MAP3K7: variants seen among roughly 807,000 people sequenced by gnomAD.
The protein encoded by MAP3K7 is mitogen-activated protein kinase kinase kinase 7.
MAP3K7 carries 21 observed loss-of-function variants against 84.8 expected under a neutral mutation model. The ratio of observed to expected loss-of-function variants is 0.25; its 90% CI spans 0.18 to 0.36. MAP3K7 has a LOEUF of 0.36. Among genes scored for constraint, MAP3K7 ranks in the 10% least tolerant of loss-of-function variants. The pLI is 1.00. For missense variants in MAP3K7, 503 were observed against 747.7 expected (o/e 0.67, Z 3.82); for synonymous variants, 241 against 247.7 (o/e 0.97, Z 0.25).
At chr6:90,554,831 T>C (rs1242602011) in intron 6 of MAP3K7, among the ~76,000 whole-genome samples, 1 of 152,228 alleles carries the variant, frequency 6.6e-6, no homozygotes, top group Non-Finnish European at 1.5e-5. Context: ...CAGGAGGCAT[T>C]ATTTAATCTT....
chr6:90,570,600 G>A (rs1472217790), intron 2 of MAP3K7, among the ~76,000 whole-genome samples: 1 of 152,174 alleles, frequency 6.6e-6, no homozygotes, highest in Non-Finnish European at 1.5e-5. Flanking sequence ...CAGAAAATTA[G>A]ATTGGAGGAG....
At chr6:90,541,717 CT>C (rs1775861251) in intron 12 of MAP3K7, among the ~76,000 whole-genome samples, 1 of 151,916 alleles carries the variant, frequency 6.6e-6, no homozygotes, top group African/African-American at 2.4e-5. Flanking sequence ...TGCTAAGTTG[CT>C]TTTTCTTCCA....
intron 12 of MAP3K7, among the ~76,000 whole-genome samples, chr6:90,539,294 T>TGCC (rs1775779286): frequency 6.6e-6 from 1 of 151,928 alleles, no homozygotes; most frequent in Non-Finnish European, 1.5e-5. Flanking sequence ...CTTGGTAGAC[T>TGCC]ATACAATATG....
At chr6:90,578,002 G>A (rs1777143348) in intron 1 of MAP3K7, among the ~76,000 whole-genome samples, 1 of 152,180 alleles carries the variant, frequency 6.6e-6, no homozygotes, top group Non-Finnish European at 1.5e-5. Context: ...TCTTGGGCAG[G>A]AGAAAGGGAA....
Position 90,587,045 on chromosome 6 carries a change from C to T in MAP3K7, c.-162G>A, listed in dbSNP as rs1055897456. The T allele has an allele frequency of 1.1e-5, 9 of 814,290 alleles. No homozygotes were observed. The highest frequency in any genetic ancestry group is 8.7e-6 in the Non-Finnish European group (5 of 572,272). 50.4% of individuals were successfully genotyped at this position (814,290 alleles called of 1,614,324 possible). On this transcript the variant is annotated 5_prime_UTR_variant, in exon 1 of 17. Coordinates refer to ENST00000369329, the MANE Select transcript of MAP3K7 (RefSeq NM_145331.3). ...TAGAGGCAGCGGCCACAGCCGTGTCCGGCTCTGGCTCCGCTGCGTTTTCCG... is the reference window on the plus strand; with the variant it reads ...TAGAGGCAGCGGCCACAGCCGTGTCTGGCTCTGGCTCCGCTGCGTTTTCCG...
At chr6:90,535,991 T>C (rs2127964694) in intron 13 of MAP3K7, among the ~76,000 whole-genome samples, 1 of 152,290 alleles carries the variant, frequency 6.6e-6, no homozygotes, top group South Asian at 2.1e-4. Context: ...AAAGGAGACA[T>C]ATTAATGATT....
rs1429577936 is a variant in MAP3K7, at chr6:90,561,675, A to G, written c.298-8T>C. ...TTCCATCACAAGACACACCTAAAGG[A>G]AACATATATCAGAAGCATTAACCAA... is the stretch of plus-strand genomic sequence containing the variant. On this transcript the variant is annotated splice_polypyrimidine_tract_variant and splice_region_variant and intron_variant, in intron 3 of 16. Coordinates refer to ENST00000369329, the MANE Select transcript of MAP3K7 (RefSeq NM_145331.3). 1.2e-6 allele frequency: 2 copies of G among 1,607,820 alleles called. No individual in the cohort carries two copies. Among genetic ancestry groups the G allele is most frequent in the Admixed American group, 1.7e-5 (1 of 59,958 alleles).
intron 12 of MAP3K7, 36 bp downstream of exon 12, chr6:90,544,516 C>G (rs1224538264): frequency 1.3e-6 from 2 of 1,574,832 alleles, no homozygotes; most frequent in African/African-American, 2.7e-5. Context: ...ATTCCGGTTC[C>G]ACAGCTATTA....
At chr6:90,548,835 A>G (rs1329147652) in intron 9 of MAP3K7, among the ~76,000 whole-genome samples, 1 of 151,426 alleles carries the variant, frequency 6.6e-6, no homozygotes, top group Admixed American at 6.6e-5. Flanking sequence ...GCTGTCTGTA[A>G]GAAGGAGAAA....
At chr6:90,568,087 TA>T (rs35777686) in intron 3 of MAP3K7, among the ~76,000 whole-genome samples, 104,519 of 151,892 alleles carry the variant, frequency 0.69, 36,213 homozygotes, top group Middle Eastern at 0.79. Flanking sequence ...GTGGGAGGGA[TA>T]AGCATTAGGA....
chr6:90,541,439 A>G (rs1775852670), intron 12 of MAP3K7, among the ~76,000 whole-genome samples: 1 of 151,986 alleles, frequency 6.6e-6, no homozygotes, highest in South Asian at 2.1e-4. Context: ...AAAATGTCAC[A>G]CACTCTACTG....
intron 11 of MAP3K7, 103 bp from the exon 12 acceptor site, chr6:90,544,735 A>G: frequency 1.1e-6 from 1 of 941,300 alleles, no homozygotes; most frequent in Non-Finnish European, 1.7e-6. Context: ...AGTTCATGTT[A>G]ATAACATTTC....
At chr6:90,556,680 C>T in intron 5 of MAP3K7, 56 bp from the exon 6 acceptor site, 1 of 1,495,622 alleles carries the variant, frequency 6.7e-7, no homozygotes, top group South Asian at 1.3e-5. Flanking sequence ...TTTTATTCTA[C>T]AATAAAAGAA....
At chr6:90,578,427 AC>A (rs988865672) in intron 1 of MAP3K7, among the ~76,000 whole-genome samples, 4 of 152,060 alleles carry the variant, frequency 2.6e-5, no homozygotes, top group African/African-American at 9.7e-5. Context: ...GGCTTGTGCC[AC>A]CACACCCAGC....
intron 1 of MAP3K7, among the ~76,000 whole-genome samples, chr6:90,579,084 G>C (rs16883216): frequency 0.05 from 7,661 of 152,202 alleles, 303 homozygotes; most frequent in African/African-American, 0.1. Flanking sequence ...TATGTTTCAT[G>C]GTGCCAACAA....
At chr6:90,525,309 T>A (rs1217994344) in intron 13 of MAP3K7, among the ~76,000 whole-genome samples, 1 of 152,150 alleles carries the variant, frequency 6.6e-6, no homozygotes, top group African/African-American at 2.4e-5. Context: ...GATAATATGA[T>A]AAGTGGTTCA....
chr6:90,519,424 T>C (rs1054143337), intron 14 of MAP3K7, 105 bp from the exon 15 acceptor site: 9 of 708,832 alleles, frequency 1.3e-5, no homozygotes, highest in East Asian at 1.2e-4. Context: ...GTAAATAATA[T>C]GTAAATTAAA....
At chr6:90,553,662 T>C in intron 6 of MAP3K7, 76 bp from the exon 7 acceptor site, 1 of 1,264,932 alleles carries the variant, frequency 7.9e-7, no homozygotes, top group Non-Finnish European at 1.1e-6. Flanking sequence ...GCTTAAATTT[T>C]GAGAATGGGT....
chr6:90,516,305 T>C lies in MAP3K7; in HGVS notation c.*196A>G, dbSNP rs1026026650. On this transcript the variant is annotated 3_prime_UTR_variant, in exon 17 of 17. Coordinates refer to ENST00000369329, the MANE Select transcript of MAP3K7 (RefSeq NM_145331.3). ...TCAAGTCACAGATGCTACCATGTTA[T>C]GCAATGAAACAGTAAAATTGTATGT... 4 of 605,748 alleles carry C rather than the reference T, an allele frequency of 6.6e-6. No individual in the cohort carries two copies. The highest frequency in any genetic ancestry group is 1.2e-5 in the Non-Finnish European group (4 of 345,352). 37.5% of individuals were successfully genotyped at this position (605,748 alleles called of 1,614,324 possible). A position where few individuals can be genotyped will look rare whatever the true frequency, so the allele number is the denominator to read the frequency against.
Sources: allele counts gnomAD v4.1 joint callset (sites outside exome capture counted in the v4.1 genomes callset), GRCh38; gene constraint gnomAD v4.1.1; transcripts MANE v1.5; gene names NCBI Gene and HGNC (gene_info 2026-07-23, HGNC 2026-07-21).